Variants in BBS9 observed in about 807,000 individuals in gnomAD.
BBS9 encodes the protein Bardet-Biedl syndrome 9, also known as protein PTHB1.
In BBS9, 89 loss-of-function variants were observed where a neutral mutation model predicts 117.7. The ratio of observed to expected loss-of-function variants is 0.76; its 90% confidence interval spans 0.64 to 0.90. BBS9 has a LOEUF of 0.90. Ranked by LOEUF, BBS9 falls within the 40% of genes least tolerant of loss-of-function variation. The probability of loss-of-function intolerance (pLI) is 0.00; values close to 1 mark genes in which losing one functional copy is unlikely to be tolerated. For synonymous variants in BBS9, 379 were observed against 370.9 expected (o/e 1.02, Z -0.25); for missense variants, 982 against 1,042.2 (o/e 0.94, Z 0.80).
At chr7:33,607,108 A>G (rs1308106625), downstream of BBS9, among the ~76,000 whole-genome samples, 1 of 152,064 alleles carries the variant, frequency 6.6e-6, no homozygotes, top group Non-Finnish European at 1.5e-5. Context: ...CTTTCCTGGT[A>G]GGATAGATTT....
intron 5 of BBS9, among the ~76,000 whole-genome samples, chr7:33,194,868 A>AGTATTTAT (rs1784694662): frequency 6.6e-6 from 1 of 152,188 alleles, no homozygotes; most frequent in Non-Finnish European, 1.5e-5. Context: ...AGAGAGAGCT[A>AGTATTTAT]GTATTTATTC....
At chr7:33,571,756 G>C (rs1400148126) in intron 21 of BBS9, among the ~76,000 whole-genome samples, 1 of 151,942 alleles carries the variant, frequency 6.6e-6, no homozygotes, top group Non-Finnish European at 1.5e-5. Flanking sequence ...GCAGCATTCT[G>C]CTAAAAGAAC....
At chr7:33,541,674 C>T (rs1309767011) in intron 21 of BBS9, among the ~76,000 whole-genome samples, 3 of 152,180 alleles carry the variant, frequency 2.0e-5, no homozygotes, top group Non-Finnish European at 4.4e-5. Context: ...AAAAACATTA[C>T]GGTAAGCGAA....
chr7:33,552,644 A>G (rs1322672464), intron 21 of BBS9, among the ~76,000 whole-genome samples: 1 of 152,092 alleles, frequency 6.6e-6, no homozygotes, highest in African/African-American at 2.4e-5. Flanking sequence ...CTTGTTTCTA[A>G]TTGATTTCGT....
chr7:33,217,294 T>A (rs1259187556), intron 5 of BBS9, among the ~76,000 whole-genome samples: 2 of 152,022 alleles, frequency 1.3e-5, no homozygotes. Flanking sequence ...TTTATGGTAT[T>A]TTTTGGTTTT....
chr7:33,564,636 G>A (rs1050528463), intron 21 of BBS9, among the ~76,000 whole-genome samples: 2 of 152,178 alleles, frequency 1.3e-5, no homozygotes, highest in Non-Finnish European at 2.9e-5. Context: ...TTCTGAAACT[G>A]CGATAGAAGA....
chr7:33,446,230 A>G (rs1836973284), intron 19 of BBS9, among the ~76,000 whole-genome samples: 1 of 152,178 alleles, frequency 6.6e-6, no homozygotes, highest in African/African-American at 2.4e-5. Context: ...GGAGGCCTTA[A>G]AAATTCAGTC....
intron 21 of BBS9, among the ~76,000 whole-genome samples, chr7:33,574,702 C>CAT (rs576375738): frequency 0.064 from 9,289 of 144,082 alleles, 381 homozygotes; most frequent in African/African-American, 0.12. Context: ...CACACACACA[C>CAT]ACACACACAC....
intron 20 of BBS9, among the ~76,000 whole-genome samples, chr7:33,529,601 T>TCCCTC (rs1850246054): frequency 5.9e-5 from 9 of 152,002 alleles, no homozygotes; most frequent in Admixed American, 2.0e-4. Flanking sequence ...TCCCTTCCCT[T>TCCCTC]CCCTCCCCTC....
chr7:33,540,055 T>C (rs1852032207), intron 21 of BBS9, among the ~76,000 whole-genome samples: 1 of 152,216 alleles, frequency 6.6e-6, no homozygotes, highest in African/African-American at 2.4e-5. Context: ...GCAACTGGGA[T>C]AATTAAAACT....
chr7:33,550,933 A>G (rs959211633), intron 21 of BBS9, among the ~76,000 whole-genome samples: 24 of 152,114 alleles, frequency 1.6e-4, no homozygotes, highest in African/African-American at 5.8e-4. Context: ...ATTTAAAAAT[A>G]ATTATTTTAG....
intron 9 of BBS9, among the ~76,000 whole-genome samples, chr7:33,280,492 T>C (rs1801602895): frequency 6.6e-6 from 1 of 152,218 alleles, no homozygotes; most frequent in Non-Finnish European, 1.5e-5. Context: ...GAGACATAGC[T>C]CAAGTCACAT....
intron 19 of BBS9, among the ~76,000 whole-genome samples, chr7:33,440,673 G>T (rs537969522): frequency 1.3e-5 from 2 of 152,138 alleles, no homozygotes; most frequent in Admixed American, 1.3e-4. Context: ...ACCTAAAAAC[G>T]TACTGAATCA....
At chr7:33,186,540 T>C (rs1783166612) in intron 5 of BBS9, among the ~76,000 whole-genome samples, 1 of 152,240 alleles carries the variant, frequency 6.6e-6, no homozygotes. Context: ...TCTTTGATTC[T>C]TCATAGATTA....
rs141642421 is a variant in BBS9 at position 33,367,280 on chromosome 7, C to G, written c.1694-487C>G. ...ATTCTCTAGGATCATCCAATAGTGACCATTTGTTTTTATTTTGTTTTTAAG... is the reference window on the plus strand; with the variant it reads ...ATTCTCTAGGATCATCCAATAGTGAGCATTTGTTTTTATTTTGTTTTTAAG... On this transcript the variant is annotated intron_variant, in intron 16 of 22. Transcript: ENST00000242067. Among the ~76,000 whole-genome samples, 906 of 151,972 alleles carry G rather than the reference C, an allele frequency of 6.0e-3. 6 individuals are homozygous for G. Among genetic ancestry groups the G allele is most frequent in the Middle Eastern group, 0.017 (5 of 292 alleles).
At chr7:33,270,320 A>G (rs1799584129) in intron 7 of BBS9, among the ~76,000 whole-genome samples, 2 of 152,304 alleles carry the variant, frequency 1.3e-5, no homozygotes, top group African/African-American at 2.4e-5. Context: ...CTTCCTCTAA[A>G]TGATCGCACT....
intron 9 of BBS9, among the ~76,000 whole-genome samples, chr7:33,329,528 T>C (rs542657427): frequency 4.6e-5 from 7 of 152,352 alleles, no homozygotes; most frequent in Non-Finnish European, 8.8e-5. Context: ...TGATAAGATA[T>C]GATTTTTAAT....
intron 17 of BBS9, 69 bp from the exon 18 acceptor site, chr7:33,383,597 G>A: frequency 7.4e-7 from 1 of 1,346,908 alleles, no homozygotes; most frequent in South Asian, 1.2e-5. Flanking sequence ...CAGGATTAGT[G>A]ATAGTTCATG....
At chr7:33,136,769 G>A (rs1376336415) in intron 1 of BBS9, among the ~76,000 whole-genome samples, 2 of 152,088 alleles carry the variant, frequency 1.3e-5, no homozygotes, top group Non-Finnish European at 2.9e-5. Flanking sequence ...TATGCATAAG[G>A]GATATTGGTC....
Sources: gnomAD v4.1 joint callset for allele counts (sites outside exome capture counted in the v4.1 genomes callset) on GRCh38, gnomAD v4.1.1 for gene constraint, MANE v1.5 for transcripts, NCBI Gene and HGNC (gene_info 2026-07-23, HGNC 2026-07-21) for gene names.